CNTNAP5: variants seen among roughly 807,000 people sequenced by gnomAD.
CNTNAP5 encodes the protein contactin associated protein family member 5, also known as contactin-associated protein-like 5.
CNTNAP5 carries 72 observed loss-of-function variants against 150.2 expected under a neutral mutation model. The ratio of observed to expected loss-of-function variants is 0.48; its 90% confidence interval spans 0.40 to 0.58. CNTNAP5 has a LOEUF of 0.58. CNTNAP5 is among the 20% of genes least tolerant of loss of function. CNTNAP5 has a pLI of 0.00. For synonymous variants in CNTNAP5, 672 were observed against 619.8 expected, an observed-to-expected ratio of 1.08 and a Z score of -1.25; for missense variants, 1,636 against 1,626.2, an observed-to-expected ratio of 1.01 and a Z score of -0.10.
intron 4 of CNTNAP5, among the ~76,000 whole-genome samples, chr2:124,420,739 C>T (rs1692081952): frequency 1.3e-5 from 2 of 152,168 alleles, no homozygotes; most frequent in Admixed American, 1.3e-4. Flanking sequence ...GTTTCAGATC[C>T]TTCCTGAGAG....
chr2:124,333,416 A>G (rs540134310), intron 3 of CNTNAP5, among the ~76,000 whole-genome samples: 22 of 152,222 alleles, frequency 1.4e-4, no homozygotes, highest in Non-Finnish European at 2.5e-4. Context: ...TTTAGAAAAG[A>G]CAAGGTAGGA....
intron 3 of CNTNAP5, among the ~76,000 whole-genome samples, chr2:124,286,838 T>C (rs997570415): frequency 1.3e-5 from 2 of 152,168 alleles, no homozygotes; most frequent in Non-Finnish European, 2.9e-5. Context: ...CGTTAATCAT[T>C]GGAAAGTTCC....
At chr2:124,567,842 T>TAGATAGATAGATAG (rs1696060484) in intron 11 of CNTNAP5, among the ~76,000 whole-genome samples, 1 of 105,444 alleles carries the variant, frequency 9.5e-6, no homozygotes, top group African/African-American at 3.3e-5. Flanking sequence ...AGATGATAGA[T>TAGATAGATAGATAG]AGATAGATAG....
intron 11 of CNTNAP5, among the ~76,000 whole-genome samples, chr2:124,605,405 C>T (rs114064820): frequency 0.01 from 1,549 of 152,168 alleles, 25 homozygotes; most frequent in African/African-American, 0.035. Context: ...TCTCTGTGCT[C>T]TTTGTATTTG....
chr2:124,546,646 A>G (rs535338891), intron 10 of CNTNAP5, among the ~76,000 whole-genome samples: 1 of 152,340 alleles, frequency 6.6e-6, no homozygotes, highest in Non-Finnish European at 1.5e-5. Flanking sequence ...AAAAGCTACC[A>G]TTAAAGAGAA....
chr2:124,259,046 C>A (rs1348128259), intron 3 of CNTNAP5, among the ~76,000 whole-genome samples: 1 of 133,788 alleles, frequency 7.5e-6, no homozygotes, highest in Non-Finnish European at 1.5e-5. Context: ...TGTGATGTTC[C>A]CCACCCTGTG....
At chr2:124,736,476 G>C (rs368961970) in intron 13 of CNTNAP5, among the ~76,000 whole-genome samples, 1 of 152,102 alleles carries the variant, frequency 6.6e-6, no homozygotes, top group African/African-American at 2.4e-5. Context: ...TACTAACCAG[G>C]TTCAATCAGA....
chr2:124,174,805 T>C (rs562164226), intron 1 of CNTNAP5, among the ~76,000 whole-genome samples: 2 of 152,318 alleles, frequency 1.3e-5, no homozygotes, highest in South Asian at 4.1e-4. Context: ...TACAGAAATA[T>C]CTTTCATGAA....
intron 11 of CNTNAP5, among the ~76,000 whole-genome samples, chr2:124,565,089 T>C (rs1435180563): frequency 1.3e-5 from 2 of 152,150 alleles, no homozygotes; most frequent in Admixed American, 1.3e-4. Flanking sequence ...TTCTCATCTT[T>C]AAAGACCTCT....
chr2:124,188,549 C>G (rs1685384522), intron 1 of CNTNAP5, among the ~76,000 whole-genome samples: 1 of 151,804 alleles, frequency 6.6e-6, no homozygotes, highest in African/African-American at 2.4e-5. Flanking sequence ...GAAACCCCGT[C>G]TCTACTAAAA....
chr2:124,649,523 G>A (rs1002777620), intron 13 of CNTNAP5, among the ~76,000 whole-genome samples: 2 of 152,098 alleles, frequency 1.3e-5, no homozygotes, highest in African/African-American at 4.8e-5. Context: ...TTTAGGATAC[G>A]CACTCCGTGA....
intron 1 of CNTNAP5, among the ~76,000 whole-genome samples, chr2:124,166,547 A>G (rs1684813499): frequency 6.6e-6 from 1 of 152,068 alleles, no homozygotes; most frequent in South Asian, 2.1e-4. Context: ...ACTTATTGTC[A>G]ATTTTCTGTT....
chr2:124,510,497 A>ATG lies in CNTNAP5; in HGVS notation c.1327+5942_1327+5943insGT, dbSNP rs1292512624. 1.3e-4 allele frequency among the ~76,000 whole-genome samples: 17 copies of ATG among 128,470 alleles called. 1 individual carries two copies. The South Asian group carries it at 3.2e-3, about 24-fold the overall frequency. The allele number at this position is 128,470 out of a possible 152,430, so 84.3% of individuals were successfully genotyped here. A position where few individuals can be genotyped will look rare whatever the true frequency, so the allele number is the denominator to read the frequency against. Reference sequence around the variant, plus strand: ...TATGTGTATATATATATATATATATATATATATATATATATATATATACAT... The same window carrying ATG: ...TATGTGTATATATATATATATATATATGTATATATATATATATATATATACAT... On this transcript the variant is annotated intron_variant, in intron 8 of 23. Transcript: ENST00000682447.
chr2:124,523,489 C>T (rs912414305), intron 8 of CNTNAP5, among the ~76,000 whole-genome samples: 4 of 152,092 alleles, frequency 2.6e-5, no homozygotes, highest in Non-Finnish European at 5.9e-5. Context: ...TAGTTGAAAC[C>T]TCATGACTAG....
At chr2:124,527,933 C>T (rs1057084958) in intron 10 of CNTNAP5, among the ~76,000 whole-genome samples, 1 of 152,162 alleles carries the variant, frequency 6.6e-6, no homozygotes, top group South Asian at 2.1e-4. Context: ...TTTGCTCTTA[C>T]TGCCCCTACC....
intron 22 of CNTNAP5, among the ~76,000 whole-genome samples, chr2:124,907,791 T>C (rs1426235982): frequency 6.6e-6 from 1 of 151,020 alleles, no homozygotes; most frequent in Non-Finnish European, 1.5e-5. Flanking sequence ...AAGGTGTCCA[T>C]TAAGCATGGA....
chr2:124,741,050 TC>T (rs1261265435), intron 13 of CNTNAP5, among the ~76,000 whole-genome samples: 1 of 152,196 alleles, frequency 6.6e-6, no homozygotes, highest in Non-Finnish European at 1.5e-5. Context: ...TATTTGCTCA[TC>T]AGTGCAGCAA....
chr2:124,367,495 G>T (rs1690407217), intron 3 of CNTNAP5, among the ~76,000 whole-genome samples: 1 of 152,060 alleles, frequency 6.6e-6, no homozygotes, highest in Non-Finnish European at 1.5e-5. Context: ...ACCTCCCACT[G>T]GGTCCCTCCC....
intron 11 of CNTNAP5, among the ~76,000 whole-genome samples, chr2:124,600,701 CA>C (rs1696965051): frequency 6.7e-6 from 1 of 148,830 alleles, no homozygotes; most frequent in Admixed American, 6.8e-5. Context: ...GGCACACACA[CA>C]AAAACCCCCA....
Sources: gnomAD v4.1 joint callset for allele counts (sites outside exome capture counted in the v4.1 genomes callset) on GRCh38, gnomAD v4.1.1 for gene constraint, MANE v1.5 for transcripts, NCBI Gene and HGNC (gene_info 2026-07-23, HGNC 2026-07-21) for gene names.